PSD3: variants seen among roughly 807,000 people sequenced by gnomAD.
PSD3 encodes pleckstrin and Sec7 domain containing 3, also known as PH and SEC7 domain-containing protein 3.
Under a neutral mutation model 105.5 loss-of-function variants are expected in PSD3, and 49 were observed. The observed-to-expected ratio is 0.46, with a 90% CI of 0.37 to 0.59. The LOEUF is 0.59. PSD3 is among the 20% of genes least tolerant of loss of function. The pLI is 0.00. For missense variants in PSD3, 1,561 were observed against 1,263.8 expected, an observed-to-expected ratio of 1.24 and a Z score of -3.57; for synonymous variants, 557 against 457.8, an observed-to-expected ratio of 1.22 and a Z score of -2.77.
intron 9 of PSD3, chr8:18,720,762 C>A (rs188144391): frequency 6.6e-6 from 1 of 152,038 alleles, no homozygotes; most frequent in Admixed American, 6.6e-5. Flanking sequence ...TTGCTCAGTG[C>A]GTTTTAAACA....
intron 9 of PSD3, among the ~76,000 whole-genome samples, chr8:18,742,323 AC>A (rs1804638113): frequency 6.6e-6 from 1 of 152,130 alleles, no homozygotes; most frequent in African/African-American, 2.4e-5. Flanking sequence ...ACAAAGACAG[AC>A]GGGCCTTAAA....
intron 2 of PSD3, among the ~76,000 whole-genome samples, chr8:18,908,749 T>C (rs144018187): frequency 6.6e-6 from 1 of 152,216 alleles, no homozygotes; most frequent in African/African-American, 2.4e-5. Flanking sequence ...GTTGTCTTGC[T>C]TGTAAGTTCA....
At chr8:18,629,201 C>T (rs532156976) in intron 11 of PSD3, among the ~76,000 whole-genome samples, 5 of 151,910 alleles carry the variant, frequency 3.3e-5, no homozygotes, top group Admixed American at 1.3e-4. Context: ...GGGTGTCGGA[C>T]GTCATTTCAT....
chr8:18,855,528 A>AG (rs1815938935), intron 4 of PSD3, among the ~76,000 whole-genome samples: 1 of 152,250 alleles, frequency 6.6e-6, no homozygotes, highest in African/African-American at 2.4e-5. Context: ...TCAAATACTG[A>AG]GGAAAAAAGG....
chr8:18,623,911 C>A (rs958293573), intron 11 of PSD3, among the ~76,000 whole-genome samples: 2 of 152,118 alleles, frequency 1.3e-5, no homozygotes, highest in Admixed American at 6.5e-5. Context: ...CGTGCAGATT[C>A]TTCTGCAAGC....
intron 4 of PSD3, among the ~76,000 whole-genome samples, chr8:18,808,498 G>A (rs912466746): frequency 7.8e-4 from 119 of 152,092 alleles, no homozygotes; most frequent in African/African-American, 2.6e-3. Context: ...CTACTATGCT[G>A]CCCAGTCCAG....
At chr8:18,950,802 C>G (rs1285190992) in intron 1 of PSD3, among the ~76,000 whole-genome samples, 2 of 152,040 alleles carry the variant, frequency 1.3e-5, no homozygotes, top group Non-Finnish European at 2.9e-5. Context: ...CAGGTTGTTC[C>G]CTGGTGCCTT....
At chr8:18,757,235 T>G (rs1806124923) in intron 9 of PSD3, among the ~76,000 whole-genome samples, 1 of 150,892 alleles carries the variant, frequency 6.6e-6, no homozygotes, top group Middle Eastern at 3.4e-3. Context: ...GGTGGATCAT[T>G]TGAGGTCAGG....
chr8:19,004,305 T>G (rs964508610), intron 1 of PSD3, among the ~76,000 whole-genome samples: 1 of 152,046 alleles, frequency 6.6e-6, no homozygotes. Flanking sequence ...AGGCAAAGGT[T>G]AAATCTCCAT....
chr8:18,740,179 G>A lies in PSD3; in HGVS notation c.2172+25270C>T, dbSNP rs371148445. Among the ~76,000 whole-genome samples, 5 of 152,260 alleles carry A rather than the reference G, an allele frequency of 3.3e-5. No homozygotes were observed. In the East Asian group the frequency reaches 9.7e-4, roughly 29 times the overall value. On this transcript the variant is annotated intron_variant, in intron 9 of 15. Transcript: ENST00000327040. ...GTTGCTTTCCTGTCTTCTGTTCCCA[G>A]GTCTGATCTCCGACTGGCCCGCAAA...
chr8:18,586,574 T>C (rs1803203047), intron 12 of PSD3, among the ~76,000 whole-genome samples: 1 of 151,996 alleles, frequency 6.6e-6, no homozygotes. Context: ...TGTATGTGTG[T>C]GGTATATATG....
chr8:18,718,012 G>A (rs919644016), intron 9 of PSD3, among the ~76,000 whole-genome samples: 5 of 152,142 alleles, frequency 3.3e-5, no homozygotes, highest in African/African-American at 1.2e-4. Flanking sequence ...TCATGTGCTT[G>A]TGTATTGCCT....
intron 4 of PSD3, among the ~76,000 whole-genome samples, chr8:18,818,955 G>C (rs1233315753): frequency 6.6e-6 from 1 of 152,136 alleles, no homozygotes; most frequent in Non-Finnish European, 1.5e-5. Flanking sequence ...TTCAGGGCAT[G>C]TCTGCCTGTT....
chr8:18,677,959 G>A (rs1336349315), intron 9 of PSD3, among the ~76,000 whole-genome samples: 13 of 148,690 alleles, frequency 8.7e-5, no homozygotes, highest in East Asian at 2.0e-4. Flanking sequence ...GCAGTGAGCC[G>A]AGATCAGGCC....
At chr8:18,721,088 A>G (rs973699356) in intron 9 of PSD3, 2 of 151,760 alleles carry the variant, frequency 1.3e-5, no homozygotes, top group African/African-American at 4.8e-5. Context: ...TCCACATCCC[A>G]CTCGGAGCAA....
In PSD3 at chr8:19,007,260, TAAATAGAG is replaced by T. The variant is rs1031120872; in HGVS notation, c.21+6295_21+6302del. Among the ~76,000 whole-genome samples, 129 of 65,422 alleles carry T rather than the reference TAAATAGAG, an allele frequency of 2.0e-3. 1 individual carries two copies. In the East Asian group the frequency reaches 0.042, roughly 21 times the overall value. 42.9% of individuals were successfully genotyped at this position (65,422 alleles called of 152,430 possible). Reference sequence around the variant, plus strand: ...GAGTGAGACCCTGTCTCAAAAAAAATAAATAGAGAGAGAGTGAGAAATGACAGCCCAGG... The same window carrying T: ...GAGTGAGACCCTGTCTCAAAAAAAATAGAGAGTGAGAAATGACAGCCCAGG... On this transcript the variant is annotated intron_variant, in intron 1 of 15. Coordinates refer to ENST00000327040, the MANE Select transcript of PSD3 (RefSeq NM_015310.4).
At chr8:19,053,097 G>C (rs1254893330) in intron 1 of PSD3, among the ~76,000 whole-genome samples, 2 of 152,146 alleles carry the variant, frequency 1.3e-5, no homozygotes, top group Non-Finnish European at 2.9e-5. Flanking sequence ...GGAGTGACAA[G>C]GTGACTTACT....
intron 2 of PSD3, among the ~76,000 whole-genome samples, chr8:18,914,978 G>A (rs976315925): frequency 9.2e-5 from 14 of 152,084 alleles, no homozygotes; most frequent in African/African-American, 3.4e-4. Flanking sequence ...AACCAAAACA[G>A]CATGGTACTA....
intron 1 of PSD3, among the ~76,000 whole-genome samples, chr8:19,054,302 G>C (rs1828635144): frequency 6.6e-6 from 1 of 152,158 alleles, no homozygotes; most frequent in Non-Finnish European, 1.5e-5. Context: ...ATTCTGTTAA[G>C]CCCTTGAGAT....
Sources: gnomAD v4.1 joint callset for allele counts (sites outside exome capture counted in the v4.1 genomes callset) on GRCh38, gnomAD v4.1.1 for gene constraint, MANE v1.5 for transcripts, NCBI Gene and HGNC (gene_info 2026-07-23, HGNC 2026-07-21) for gene names.